The following KLHDC10 variants were observed in gnomAD, a reference collection of about 807,000 sequenced individuals.
KLHDC10 encodes the protein kelch domain containing 10.
A neutral mutation model predicts 56.1 loss-of-function variants in KLHDC10; 24 were observed. That is an observed-to-expected ratio of 0.43 (90% CI 0.31 to 0.60). The LOEUF is 0.60. Ranked by LOEUF, KLHDC10 falls within the 20% of genes least tolerant of loss-of-function variation. KLHDC10 has a pLI of 0.11. For synonymous variants in KLHDC10, 188 were observed against 207.1 expected (o/e 0.91, Z 0.79); for missense variants, 349 against 567.0 (o/e 0.62, Z 3.91).
intron 1 of KLHDC10, among the ~76,000 whole-genome samples, chr7:130,090,053 G>A (rs915977191): frequency 1.3e-5 from 2 of 151,894 alleles, no homozygotes; most frequent in Non-Finnish European, 2.9e-5. Flanking sequence ...GGCTAATTTT[G>A]TATTTTTTTT....
chr7:130,120,809 G>C lies in KLHDC10; in HGVS notation c.536G>C (p.Ser179Thr). The C allele has an allele frequency of 1.2e-6, 2 of 1,614,162 alleles. No homozygotes were observed. Among genetic ancestry groups the C allele is most frequent in the Admixed American group, 3.3e-5 (2 of 60,034 alleles). Residue 179 changes from serine to threonine, a missense_variant, in exon 4 of 10, where the codon AGC becomes ACC. Transcript: ENST00000335420. The surrounding 1 kb of genome is among the most constrained non-coding windows in gnomAD (Gnocchi z 5.1). ...GGTACGGGCATCCCATTTGGAGAGA[G>C]CAACGGCAATGACGTCCATGTGTGT... The part of the protein sequence containing the change: ...FGGTGIPFGE[S>T]NGNDVHVCNV...
rs1160159378 is a variant in KLHDC10, at chr7:130,116,754, A to G, written c.475+88A>G. 20 of 1,112,970 alleles carry G rather than the reference A, an allele frequency of 1.8e-5. No individual in the cohort carries two copies. Among genetic ancestry groups the G allele is most frequent in the Non-Finnish European group, 2.6e-5 (19 of 734,576 alleles). The allele number at this position is 1,112,970 out of a possible 1,614,324, so 68.9% of individuals were successfully genotyped here. A position where few individuals can be genotyped will look rare whatever the true frequency, so the allele number is the denominator to read the frequency against. On this transcript the variant is annotated intron_variant, in intron 3 of 9. Coordinates refer to ENST00000335420, the MANE Select transcript of KLHDC10 (RefSeq NM_014997.4). This position sits in a 1 kb window ranked among gnomAD's most constrained non-coding sequence, Gnocchi z 4.8. The stretch of plus-strand genomic sequence containing the variant: ...CCCATATTCCTCATTAATAATTTAT[A>G]ACACTATAATGTGATTTCGCCCTGT...
chr7:130,106,370 A>T (rs1796008598), intron 2 of KLHDC10, among the ~76,000 whole-genome samples: 1 of 152,198 alleles, frequency 6.6e-6, no homozygotes, highest in African/African-American at 2.4e-5. Context: ...GGGTAATAAG[A>T]TACAGATCTT....
rs149769048 is a variant in KLHDC10, at chr7:130,079,925, TCTCG to T, written c.166+9119_166+9122del. Among the ~76,000 whole-genome samples the T allele has an allele frequency of 5.6e-3, 390 of 69,826 alleles. 13 individuals carry two copies. The highest frequency in any genetic ancestry group is 0.014 in the African/African-American group (178 of 12,778). 45.8% of individuals were successfully genotyped at this position (69,826 alleles called of 152,430 possible). ...TCCTCCCTCCCTCCCTTCCTCCCTT[TCTCG>T]CTTCCTCCTTCCCTCCCTTCCTCCC... On this transcript the variant is annotated intron_variant, in intron 1 of 9. Coordinates refer to ENST00000335420, the MANE Select transcript of KLHDC10 (RefSeq NM_014997.4).
intron 1 of KLHDC10, among the ~76,000 whole-genome samples, chr7:130,095,678 TGTA>T (rs1795839908): frequency 6.6e-6 from 1 of 152,208 alleles, no homozygotes; most frequent in African/African-American, 2.4e-5. Flanking sequence ...GTACAAGTTC[TGTA>T]GTAAGCAAAC....
chr7:130,087,841 A>C (rs1431088706), intron 1 of KLHDC10, among the ~76,000 whole-genome samples: 1 of 151,532 alleles, frequency 6.6e-6, no homozygotes. Context: ...GCTCACTGCA[A>C]CCTCCACCTC....
At chr7:130,077,555 C>CTTTTTTTTTTTTTTTT (rs1374918216) in intron 1 of KLHDC10, among the ~76,000 whole-genome samples, 2 of 108,102 alleles carry the variant, frequency 1.9e-5, no homozygotes, top group Non-Finnish European at 1.9e-5. Flanking sequence ...CTTTTTCTTT[C>CTTTTTTTTTTTTTTTT]TTTTTTTTTT....
intron 1 of KLHDC10, among the ~76,000 whole-genome samples, chr7:130,074,180 C>T (rs1795464365): frequency 1.3e-5 from 2 of 152,162 alleles, no homozygotes; most frequent in Non-Finnish European, 2.9e-5. Flanking sequence ...CTTCCTCCTG[C>T]CCCAGGTCCA....
At chr7:130,123,017 A>ATGGG (rs200819162) in intron 5 of KLHDC10, among the ~76,000 whole-genome samples, 2 of 41,010 alleles carry the variant, frequency 4.9e-5, no homozygotes, top group African/African-American at 2.1e-4. Context: ...AGATGGATGT[A>ATGGG]TGGATGGATG....
Position 130,070,786 on chromosome 7 carries a change from T to C in KLHDC10, c.143T>C (p.Leu48Pro). The C allele has an allele frequency of 7.7e-7, 1 of 1,306,462 alleles. No individual in the cohort carries two copies. 80.9% of individuals were successfully genotyped at this position (1,306,462 alleles called of 1,614,324 possible). A position where few individuals can be genotyped will look rare whatever the true frequency, so the allele number is the denominator to read the frequency against. ...GGCCAGCTCAACCGCTTCGTGCAAC[T>C]CTCCGGGCGGCCGCACCTGCCAGGT... ...GTGQLNRFVQ[L>P]SGRPHLPGKK... is the part of the protein sequence containing the mutation. The change falls in exon 1 of 10, where the codon CTC (leucine) becomes CCC (proline). Residue 48 changes from leucine to proline, a missense_variant. This residue lies in a region of KLHDC10 where 104 missense variants were observed against 97.0 expected (regional missense o/e 1.07). Coordinates refer to ENST00000335420, the MANE Select transcript of KLHDC10 (RefSeq NM_014997.4).
chr7:130,116,694 A>T lies in KLHDC10; in HGVS notation c.475+28A>T, dbSNP rs1296397015. 1.3e-6 allele frequency: 2 copies of T among 1,547,428 alleles called. No individual in the cohort carries two copies. Among genetic ancestry groups the T allele is most frequent in the Non-Finnish European group, 8.9e-7 (1 of 1,120,016 alleles). The stretch of plus-strand genomic sequence containing the variant: ...GAGTGCAAGCAGTTCGTAACTCCTG[A>T]CTTTATGAAATGTCTGAGAAGCCAG... On this transcript the variant is annotated intron_variant, in intron 3 of 9. Coordinates refer to ENST00000335420, the MANE Select transcript of KLHDC10 (RefSeq NM_014997.4). The surrounding 1 kb of genome is among the most constrained non-coding windows in gnomAD (Gnocchi z 4.8).
At chr7:130,099,582 C>T (rs962765231) in intron 2 of KLHDC10, among the ~76,000 whole-genome samples, 1 of 152,074 alleles carries the variant, frequency 6.6e-6, no homozygotes, top group African/African-American at 2.4e-5. Context: ...GTTGGATCCT[C>T]TCAAACCATG....
At position 130,116,605 on chromosome 7, in the gene KLHDC10, A is replaced by G. The variant is rs1276419152; in HGVS notation, c.414A>G (p.Thr138=). Residue 138 remains threonine, a synonymous_variant, in exon 3 of 10, where the codon ACA becomes ACG. Transcript: ENST00000335420. The surrounding 1 kb of genome is among the most constrained non-coding windows in gnomAD (Gnocchi z 4.8). The stretch of plus-strand genomic sequence containing the variant: ...AACTCTGGAGGTATCATTTTGCTAC[A>G]GGAGTATGGCACCAGATGGGCACAG... The part of the protein sequence containing the change: ...FRELWRYHFA[T]GVWHQMGTDG... 1 of 1,614,194 alleles carries G rather than the reference A, an allele frequency of 6.2e-7. No homozygotes were observed. Among genetic ancestry groups the G allele is most frequent in the Non-Finnish European group, 8.5e-7 (1 of 1,180,038 alleles).
At chr7:130,089,853 C>T (rs1268113210) in intron 1 of KLHDC10, among the ~76,000 whole-genome samples, 1 of 151,796 alleles carries the variant, frequency 6.6e-6, no homozygotes, top group African/African-American at 2.4e-5. Context: ...AGTCAGAATT[C>T]TTGGATCATT....
rs201758520 is a variant in KLHDC10, at chr7:130,085,688, G to A, written c.167-11233G>A. The stretch of plus-strand genomic sequence containing the variant: ...CATCTCTACTAAAAATACAAAAAAC[G>A]CCGGGCGTGGTGGCTTGGGCCTGTA... On this transcript the variant is annotated intron_variant, in intron 1 of 9. Coordinates refer to ENST00000335420, the MANE Select transcript of KLHDC10 (RefSeq NM_014997.4). Among the ~76,000 whole-genome samples the A allele has an allele frequency of 1.1e-3, 125 of 117,398 alleles. 2 individuals carry two copies. The East Asian group carries it at 0.032, about 30-fold the overall frequency. The allele number at this position is 117,398 out of a possible 152,430, so 77.0% of individuals were successfully genotyped here.
intron 1 of KLHDC10, among the ~76,000 whole-genome samples, chr7:130,081,246 G>T (rs937217025): frequency 6.6e-6 from 1 of 151,686 alleles, no homozygotes; most frequent in Non-Finnish European, 1.5e-5. Flanking sequence ...TGATCCACCC[G>T]CCTCGGCCTC....
chr7:130,096,867 T>C (rs747532309), intron 1 of KLHDC10, 54 bp from the exon 2 acceptor site: 23 of 1,215,612 alleles, frequency 1.9e-5, no homozygotes, highest in Non-Finnish European at 2.4e-5. Flanking sequence ...TAACTATGTA[T>C]TATTTGCAAT....
chr7:130,090,274 G>A (rs1795752668), intron 1 of KLHDC10, among the ~76,000 whole-genome samples: 1 of 151,572 alleles, frequency 6.6e-6, no homozygotes, highest in Non-Finnish European at 1.5e-5. Flanking sequence ...TTTGAGAATT[G>A]TAGATTGATT....
At position 130,123,507 on chromosome 7, in the gene KLHDC10, C is replaced by T. The variant is rs1172335921; in HGVS notation, c.780-944C>T. ...AAAAAGAATTAAACTCACTGAAATA[C>T]TTGAAGAGATTTTTTTTCCCCTCCA... On this transcript the variant is annotated intron_variant, in intron 5 of 9. Transcript: ENST00000335420. Among the ~76,000 whole-genome samples the T allele has an allele frequency of 2.0e-5, 3 of 151,486 alleles. No homozygotes were observed. The East Asian group carries it at 5.8e-4, about 29-fold the overall frequency.
Sources: gnomAD v4.1 joint callset for allele counts (sites outside exome capture counted in the v4.1 genomes callset) on GRCh38, gnomAD v4.1.1 for gene constraint, gnomAD v4.1.1 regional missense constraint, Gnocchi (gnomAD v3.1) non-coding constraint, MANE v1.5 for transcripts, NCBI Gene and HGNC (gene_info 2026-07-23, HGNC 2026-07-21) for gene names.